OR56A3: variants seen among roughly 807,000 people sequenced by gnomAD.
OR56A3 encodes the protein olfactory receptor family 56 subfamily A member 3.
In OR56A3, 23 loss-of-function variants were observed where a neutral mutation model predicts 17.5. The observed-to-expected ratio is 1.32, with a 90% CI of 0.95 to 1.87. The LOEUF is 1.87. Ranked by LOEUF, OR56A3 falls within the 40% of genes most tolerant of loss-of-function variation. The probability of loss-of-function intolerance (pLI) is 0.00; values close to 1 mark genes in which losing one functional copy is unlikely to be tolerated. For missense variants in OR56A3, 366 were observed against 380.1 expected (o/e 0.96, Z 0.31); for synonymous variants, 175 against 150.6 (o/e 1.16, Z -1.19).
chr11:6,006,194 G>C, the OR56A3 span: 1 of 152,182 alleles, frequency 6.6e-6, no homozygotes, highest in Admixed American at 6.5e-5. Context: ...ACTTCCAGTA[G>C]CACTGATAGA....
the OR56A3 span, among the ~76,000 whole-genome samples, chr11:5,975,984 C>A: frequency 6.6e-6 from 1 of 151,804 alleles, no homozygotes. Context: ...CAAAGAGAAA[C>A]TTTAAGTAAA....
the OR56A3 span, chr11:5,986,580 G>A: frequency 9.9e-6 from 16 of 1,613,856 alleles, no homozygotes; most frequent in Non-Finnish European, 1.3e-5. Flanking sequence ...AGAACATCTG[G>A]ATCAGGCAGA....
the OR56A3 span, among the ~76,000 whole-genome samples, chr11:5,968,751 A>G: frequency 1.3e-5 from 2 of 152,316 alleles, no homozygotes; most frequent in South Asian, 4.1e-4. Flanking sequence ...AAGGAAAATG[A>G]TTTAAAAAAA....
chr11:5,960,394 G>C, the OR56A3 span, among the ~76,000 whole-genome samples: 8 of 152,134 alleles, frequency 5.3e-5, no homozygotes, highest in East Asian at 1.9e-4. Context: ...CGAGTGCCTG[G>C]GATTGCAGGC....
At chr11:5,965,455 GT>G in the OR56A3 span, among the ~76,000 whole-genome samples, 1 of 152,124 alleles carries the variant, frequency 6.6e-6, no homozygotes, top group South Asian at 2.1e-4. Flanking sequence ...GCAGGCTTAG[GT>G]TCTATGGTAG....
chr11:5,981,133 A>T, the OR56A3 span, among the ~76,000 whole-genome samples: 1 of 152,090 alleles, frequency 6.6e-6, no homozygotes, highest in Admixed American at 6.6e-5. Flanking sequence ...TCTGGTGAAT[A>T]TGTGTCTTGA....
chr11:5,996,564 G>T, the OR56A3 span, among the ~76,000 whole-genome samples: 33 of 150,518 alleles, frequency 2.2e-4, no homozygotes, highest in Non-Finnish European at 1.5e-4. Flanking sequence ...AAAATTTCTA[G>T]ATTCCTCCAA....
chr11:5,965,705 G>A, the OR56A3 span, among the ~76,000 whole-genome samples: 1 of 152,134 alleles, frequency 6.6e-6, no homozygotes, highest in Non-Finnish European at 1.5e-5. Flanking sequence ...AGACTCAGAG[G>A]AGTTTATAAT....
At chr11:6,015,017 G>GAAAAAAAA in the OR56A3 span, among the ~76,000 whole-genome samples, 1 of 39,546 alleles carries the variant, frequency 2.5e-5, no homozygotes, top group Non-Finnish European at 5.3e-5. Context: ...AAAAAAAAAT[G>GAAAAAAAA]ACCTGAAACT....
chr11:5,989,226 T>C, the OR56A3 span, among the ~76,000 whole-genome samples: 1 of 152,214 alleles, frequency 6.6e-6, no homozygotes, highest in Non-Finnish European at 1.5e-5. Context: ...AAGTCCATTG[T>C]CTTTTTTGCC....
chr11:5,998,382 G>A, the OR56A3 span, among the ~76,000 whole-genome samples: 4 of 152,150 alleles, frequency 2.6e-5, no homozygotes, highest in African/African-American at 9.7e-5. Flanking sequence ...TTTATGTATT[G>A]TCTGTGTGCC....
chr11:5,963,215 T>C, the OR56A3 span, among the ~76,000 whole-genome samples: 1 of 152,326 alleles, frequency 6.6e-6, no homozygotes, highest in Admixed American at 6.5e-5. Flanking sequence ...CTTCTTTGTG[T>C]TAATACTGGG....
At chr11:5,977,217 T>G in the OR56A3 span, among the ~76,000 whole-genome samples, 2 of 152,230 alleles carry the variant, frequency 1.3e-5, no homozygotes, top group Non-Finnish European at 2.9e-5. Context: ...TATATTCCTT[T>G]GGATATATAT....
chr11:5,947,533 C>T lies in OR56A3; in HGVS notation c.187C>T (p.Leu63=), dbSNP rs1244950794. 2 of 1,614,046 alleles carry T rather than the reference C, an allele frequency of 1.2e-6. No individual in the cohort carries two copies. The highest frequency in any genetic ancestry group is 1.7e-6 in the Non-Finnish European group (2 of 1,179,936). ...GCTGGAGGCCTCTCTGCACCAGCCC[C>T]TGTACTACCTGCTCAGCCTCCTCTC... is the stretch of plus-strand genomic sequence containing the variant. ...IWLEASLHQP[L]YYLLSLLSLL... Residue 63 remains leucine, a synonymous_variant, in exon 3 of 3, where the codon CTG becomes TTG. Coordinates refer to ENST00000641160, the MANE Select transcript of OR56A3 (RefSeq NM_001003443.3).
chr11:6,002,609 G>T, the OR56A3 span: 1 of 1,614,212 alleles, frequency 6.2e-7, no homozygotes. Context: ...GATGGCAGAT[G>T]GCCACATAAC....
chr11:5,997,265 C>A, the OR56A3 span, among the ~76,000 whole-genome samples: 2 of 152,276 alleles, frequency 1.3e-5, 1 homozygote, highest in Middle Eastern at 6.8e-3. Flanking sequence ...CCCAGACTTG[C>A]TGCATTTCTA....
chr11:6,005,225 A>AG, the OR56A3 span, among the ~76,000 whole-genome samples: 3 of 152,324 alleles, frequency 2.0e-5, no homozygotes, highest in African/African-American at 7.2e-5. Flanking sequence ...AAGTTCTGTT[A>AG]GGTCAAAAGA....
chr11:5,975,492 A>G, the OR56A3 span, among the ~76,000 whole-genome samples: 1 of 151,710 alleles, frequency 6.6e-6, no homozygotes, highest in Admixed American at 6.6e-5. Context: ...TTTGCTGAGA[A>G]TGATGGTTTC....
chr11:5,968,895 T>C, the OR56A3 span, among the ~76,000 whole-genome samples: 1 of 152,326 alleles, frequency 6.6e-6, no homozygotes, highest in East Asian at 1.9e-4. Flanking sequence ...AAATATGTCA[T>C]AAAATAATTT....
Sources: allele counts gnomAD v4.1 joint callset (sites outside exome capture counted in the v4.1 genomes callset), GRCh38; gene constraint gnomAD v4.1.1; transcripts MANE v1.5; gene names NCBI Gene and HGNC (gene_info 2026-07-23, HGNC 2026-07-21).